Variants in FBXO15 observed in about 807,000 individuals in gnomAD.
FBXO15 encodes the protein F-box only protein 15.
A neutral mutation model predicts 49.5 loss-of-function variants in FBXO15; 30 were observed. The ratio of observed to expected loss-of-function variants is 0.61; its 90% CI spans 0.45 to 0.82. The LOEUF (loss-of-function observed/expected upper bound fraction) is 0.82, where lower values mean the gene tolerates loss of function less well. Ranked by LOEUF, FBXO15 falls within the 40% of genes least tolerant of loss-of-function variation. The pLI is 0.00. For missense variants in FBXO15, 591 were observed against 631.5 expected, an observed-to-expected ratio of 0.94 and a Z score of 0.69; for synonymous variants, 250 against 232.7, an observed-to-expected ratio of 1.07 and a Z score of -0.68.
rs192984277 is a variant in FBXO15 at position 74,140,930 on chromosome 18, C to T, written c.117-618G>A. 5.6e-4 allele frequency among the ~76,000 whole-genome samples: 85 copies of T among 152,270 alleles called. 1 individual carries two copies. The highest frequency in any genetic ancestry group is 1.9e-3 in the African/African-American group (78 of 41,548). ...AAACTAGAACTGTCAACATAAAACA[C>T]AATCTACAACTTTTCTGATCTTTGA... On this transcript the variant is annotated intron_variant, in intron 1 of 9. Coordinates refer to ENST00000419743, the MANE Select transcript of FBXO15 (RefSeq NM_001142958.2).
Position 74,130,794 on chromosome 18 carries a change from G to A in FBXO15, c.333-136C>T, listed in dbSNP as rs182420639. 5.3e-5 allele frequency: 50 copies of A among 936,878 alleles called. 1 individual carries two copies. The East Asian group carries it at 1.0e-3, about 19-fold the overall frequency. The allele number at this position is 936,878 out of a possible 1,614,324, so 58.0% of individuals were successfully genotyped here. Reference sequence around the variant, plus strand: ...CCAAGCTGAATATTTACAGTTGAACGTTCATCTGTTAAAGTGAATTGCAGT... The same window carrying A: ...CCAAGCTGAATATTTACAGTTGAACATTCATCTGTTAAAGTGAATTGCAGT... On this transcript the variant is annotated intron_variant, in intron 3 of 9. Transcript: ENST00000419743.
intron 3 of FBXO15, 45 bp from the exon 4 acceptor site, chr18:74,130,703 C>G: frequency 6.4e-7 from 1 of 1,564,708 alleles, no homozygotes; most frequent in Non-Finnish European, 8.7e-7. Flanking sequence ...ACACTGTCAC[C>G]TACCTTAGTC....
At chr18:74,128,388 T>C (rs1010001824) in intron 5 of FBXO15, among the ~76,000 whole-genome samples, 12 of 150,766 alleles carry the variant, frequency 8.0e-5, no homozygotes, top group Non-Finnish European at 1.8e-4. Context: ...ACCCTGTCCC[T>C]CCATAGAGAT....
Position 74,135,913 on chromosome 18 carries a change from G to A in FBXO15, c.228-47C>T, listed in dbSNP as rs201340665. The A allele has an allele frequency of 1.3e-4, 196 of 1,475,860 alleles. No individual in the cohort carries two copies. The African/African-American group carries it at 2.4e-3, about 18-fold the overall frequency. 91.4% of individuals were successfully genotyped at this position (1,475,860 alleles called of 1,614,324 possible). A position where few individuals can be genotyped will look rare whatever the true frequency, so the allele number is the denominator to read the frequency against. Reference sequence around the variant, plus strand: ...AAAAAAATCACCAGAGTGGACCAGGGCTTAATCTGCAGATTACCCAGAAAA... The same window carrying A: ...AAAAAAATCACCAGAGTGGACCAGGACTTAATCTGCAGATTACCCAGAAAA... On this transcript the variant is annotated intron_variant, in intron 2 of 9. Coordinates refer to ENST00000419743, the MANE Select transcript of FBXO15 (RefSeq NM_001142958.2).
intron 5 of FBXO15, among the ~76,000 whole-genome samples, chr18:74,126,630 C>T (rs1479287152): frequency 6.6e-6 from 1 of 152,214 alleles, no homozygotes; most frequent in East Asian, 1.9e-4. Context: ...TAAACTAAAT[C>T]ACCAGTGTTT....
chr18:74,140,524 T>C (rs553008165), intron 1 of FBXO15, among the ~76,000 whole-genome samples: 3 of 145,762 alleles, frequency 2.1e-5, no homozygotes, highest in African/African-American at 7.8e-5. Context: ...GAAACCTTGA[T>C]GGTAAGCAAG....
chr18:74,086,238 A>G (rs1912731763), intron 8 of FBXO15, among the ~76,000 whole-genome samples: 1 of 152,190 alleles, frequency 6.6e-6, no homozygotes, highest in African/African-American at 2.4e-5. Context: ...AAAGACAATA[A>G]CATGATATAT....
intron 8 of FBXO15, among the ~76,000 whole-genome samples, chr18:74,086,964 G>A (rs541310116): frequency 2.0e-5 from 3 of 152,232 alleles, no homozygotes; most frequent in Admixed American, 6.5e-5. Flanking sequence ...CAGGAATAAA[G>A]CAAATATCAC....
intron 8 of FBXO15, among the ~76,000 whole-genome samples, chr18:74,084,315 G>A (rs781118081): frequency 7.9e-5 from 12 of 152,238 alleles, no homozygotes; most frequent in Non-Finnish European, 1.5e-4. Flanking sequence ...GGTCACTGGT[G>A]ATGCAGGCTC....
chr18:74,130,272 T>G (rs1474150769), intron 4 of FBXO15, 144 bp downstream of exon 4: 2 of 1,155,998 alleles, frequency 1.7e-6, no homozygotes, highest in Non-Finnish European at 2.4e-6. Flanking sequence ...CTATGCGGAA[T>G]AGGAAAATGA....
At position 74,135,851 on chromosome 18, in the gene FBXO15, G is replaced by C; in HGVS notation, c.243C>G (p.Ile81Met). 1.2e-6 allele frequency: 2 copies of C among 1,610,350 alleles called. No homozygotes were observed. The highest frequency in any genetic ancestry group is 1.7e-6 in the Non-Finnish European group (2 of 1,178,990). ...SGFLDGMPSE[I>M]LLKIFSYLDA... ...CCAAGTAGGAAAATATCTTCAGCAA[G>C]ATTTCTGAAGGCATTCTGCAAAAAC... The change falls in exon 3 of 10, where the codon ATC (isoleucine) becomes ATG (methionine). Residue 81 changes from isoleucine (I) to methionine (M), a missense_variant. By Grantham distance (10) the Ile-to-Met change is conservative. Transcript: ENST00000419743.
chr18:74,123,681 C>T (rs1263452555), intron 7 of FBXO15, among the ~76,000 whole-genome samples, 171 bp from the exon 8 acceptor site: 1 of 152,152 alleles, frequency 6.6e-6, no homozygotes, highest in African/African-American at 2.4e-5. Flanking sequence ...AAAGACTGCT[C>T]AATGTTACTT....
chr18:74,100,206 T>C (rs1913451704), intron 8 of FBXO15: 1 of 152,164 alleles, frequency 6.6e-6, no homozygotes, highest in Non-Finnish European at 1.5e-5. Context: ...ACTGAAATTA[T>C]ATCAGGTACT....
chr18:74,142,466 T>C (rs1045993623), intron 1 of FBXO15, among the ~76,000 whole-genome samples: 19 of 152,174 alleles, frequency 1.2e-4, no homozygotes, highest in Admixed American at 1.0e-3. Context: ...GTATTATGTC[T>C]CAGTAGCCAG....
At chr18:74,086,123 G>A (rs1912725407) in intron 8 of FBXO15, among the ~76,000 whole-genome samples, 1 of 151,944 alleles carries the variant, frequency 6.6e-6, no homozygotes, top group South Asian at 2.1e-4. Context: ...TAAATTCTTG[G>A]GGAGTATAAT....
rs1599203260 is a variant in FBXO15 at position 74,147,817 on chromosome 18, A to G, written c.-32T>C. The G allele has an allele frequency of 2.0e-6, 3 of 1,485,582 alleles. No individual in the cohort carries two copies. The highest frequency in any genetic ancestry group is 2.5e-5 in the South Asian group (2 of 78,476). 92.0% of individuals were successfully genotyped at this position (1,485,582 alleles called of 1,614,324 possible). On this transcript the variant is annotated 5_prime_UTR_variant, in exon 1 of 10. Coordinates refer to ENST00000419743, the MANE Select transcript of FBXO15 (RefSeq NM_001142958.2). ...AAGGAGTTCACCACAGGACCGCGCC[A>G]GGGCTGAAACGAAGAGTGCACGCAC...
intron 6 of FBXO15, 80 bp downstream of exon 6, chr18:74,125,895 T>G (rs1914686596): frequency 3.2e-6 from 5 of 1,549,206 alleles, no homozygotes; most frequent in Non-Finnish European, 4.4e-6. Flanking sequence ...GATTTTACAT[T>G]TGAAGTCATA....
rs1008662982 is a variant in FBXO15, at chr18:74,081,858, T to C, written c.1263+69A>G. On this transcript the variant is annotated intron_variant, in intron 9 of 9. Transcript: ENST00000419743. ...TACATATATGACAATATAATTTATA[T>C]ATATAAACAGACTTTTTATTATATA... 6 of 1,053,794 alleles carry C rather than the reference T, an allele frequency of 5.7e-6. No homozygotes were observed. The African/African-American group carries it at 6.5e-5, about 11-fold the overall frequency. 65.3% of individuals were successfully genotyped at this position (1,053,794 alleles called of 1,614,324 possible).
At chr18:74,092,728 C>A (rs1157432481) in intron 8 of FBXO15, among the ~76,000 whole-genome samples, 1 of 152,146 alleles carries the variant, frequency 6.6e-6, no homozygotes, top group Non-Finnish European at 1.5e-5. Flanking sequence ...TCTTTGACCC[C>A]CCTCAGGATG....
Sources: gnomAD v4.1 joint callset for allele counts (sites outside exome capture counted in the v4.1 genomes callset) on GRCh38, gnomAD v4.1.1 for gene constraint, MANE v1.5 for transcripts, NCBI Gene and HGNC (gene_info 2026-07-23, HGNC 2026-07-21) for gene names.